Variants in SLC9B1 observed in about 807,000 individuals in gnomAD.
The protein encoded by SLC9B1 is solute carrier family 9 member B1, also known as sodium/hydrogen exchanger 9B1.
Under a neutral mutation model 51.7 loss-of-function variants are expected in SLC9B1, and 32 were observed. The ratio of observed to expected loss-of-function variants is 0.62; its 90% CI spans 0.47 to 0.83. SLC9B1 has a LOEUF of 0.83. SLC9B1 is among the 40% of genes least tolerant of loss of function. The pLI is 0.00. For synonymous variants in SLC9B1, 145 were observed against 212.7 expected (o/e 0.68, Z 2.77); for missense variants, 406 against 613.2 (o/e 0.66, Z 3.57).
intron 3 of SLC9B1, among the ~76,000 whole-genome samples, chr4:102,973,124 A>G (rs1379080712): frequency 1.3e-5 from 2 of 152,180 alleles, no homozygotes; most frequent in Non-Finnish European, 2.9e-5. Flanking sequence ...CAATAACCAC[A>G]ATAAACTTAA....
intron 5 of SLC9B1, among the ~76,000 whole-genome samples, chr4:102,945,785 T>G (rs1205556647): frequency 6.6e-6 from 1 of 152,150 alleles, no homozygotes; most frequent in Non-Finnish European, 1.5e-5. Flanking sequence ...GTTCATACTT[T>G]CTGCTGGAGA....
At chr4:102,974,758 T>C (rs1169819518) in intron 3 of SLC9B1, among the ~76,000 whole-genome samples, 3 of 152,174 alleles carry the variant, frequency 2.0e-5, no homozygotes, top group Non-Finnish European at 2.9e-5. Flanking sequence ...CACATCAAAA[T>C]AATTTCAGAG....
At chr4:102,956,137 C>T (rs186357974) in intron 3 of SLC9B1, among the ~76,000 whole-genome samples, 1 of 152,132 alleles carries the variant, frequency 6.6e-6, no homozygotes, top group African/African-American at 2.4e-5. Flanking sequence ...CGACATTGCA[C>T]ATGTGCTGTC....
chr4:103,008,797 C>CTTTTTTT (rs34403441), intron 1 of SLC9B1, among the ~76,000 whole-genome samples: 7 of 99,490 alleles, frequency 7.0e-5, no homozygotes, highest in Non-Finnish European at 1.0e-4. Context: ...TTAACAGTTT[C>CTTTTTTT]TTTTTTTTTT....
chr4:102,919,846 G>T (rs1240568848), intron 7 of SLC9B1, among the ~76,000 whole-genome samples: 1 of 152,238 alleles, frequency 6.6e-6, no homozygotes, highest in Non-Finnish European at 1.5e-5. Context: ...TGGCAGCCTG[G>T]CTGGGGGAGG....
intron 3 of SLC9B1, among the ~76,000 whole-genome samples, chr4:102,977,349 A>T (rs1436018490): frequency 1.3e-5 from 2 of 151,516 alleles, no homozygotes; most frequent in African/African-American, 2.4e-5. Context: ...AGAGGAGCAG[A>T]GTTTTCTAGT....
intron 7 of SLC9B1, among the ~76,000 whole-genome samples, chr4:102,914,690 T>A (rs1429469328): frequency 6.6e-6 from 1 of 151,712 alleles, no homozygotes; most frequent in Non-Finnish European, 1.5e-5. Context: ...AATTATGGAG[T>A]CAGAGGAGCA....
chr4:103,010,852 G>C (rs1215641014), intron 1 of SLC9B1, among the ~76,000 whole-genome samples: 1 of 152,202 alleles, frequency 6.6e-6, no homozygotes, highest in Non-Finnish European at 1.5e-5. Context: ...TGGGGATTAA[G>C]TTTCAACATG....
intron 1 of SLC9B1, among the ~76,000 whole-genome samples, chr4:103,003,660 C>T (rs1052336794): frequency 6.6e-6 from 1 of 152,066 alleles, no homozygotes; most frequent in African/African-American, 2.4e-5. Context: ...TTGCCACTAC[C>T]CCAGTGAAGC....
At chr4:102,918,748 T>C (rs1188761997) in intron 7 of SLC9B1, among the ~76,000 whole-genome samples, 1 of 152,246 alleles carries the variant, frequency 6.6e-6, no homozygotes. Flanking sequence ...CACCAGTCAC[T>C]GAGTCTGTTG....
intron 1 of SLC9B1, among the ~76,000 whole-genome samples, chr4:103,015,352 A>G (rs1741264206): frequency 6.6e-6 from 1 of 152,090 alleles, no homozygotes; most frequent in African/African-American, 2.4e-5. Flanking sequence ...AGGTGGCACA[A>G]AAGAGTAATG....
intron 1 of SLC9B1, chr4:103,016,795 TC>T (rs1322118688): frequency 6.6e-6 from 1 of 152,238 alleles, no homozygotes; most frequent in African/African-American, 2.4e-5. Flanking sequence ...CAGATTTTCT[TC>T]CTACTTCATT....
chr4:102,893,302 A>AAAAAAAAAG (rs1734362514), intron 11 of SLC9B1, among the ~76,000 whole-genome samples: 3 of 147,938 alleles, frequency 2.0e-5, no homozygotes, highest in African/African-American at 7.7e-5. Context: ...AAAAAAAAAA[A>AAAAAAAAAG]AAAGAAAAAG....
chr4:102,912,138 G>GAA, intron 7 of SLC9B1: 3 of 143,436 alleles, frequency 2.1e-5, no homozygotes, highest in South Asian at 2.0e-4. Flanking sequence ...ACCTCCAAAA[G>GAA]AAAAAAAAAA....
At chr4:102,992,740 T>C (rs1458185261) in intron 1 of SLC9B1, among the ~76,000 whole-genome samples, 5 of 152,226 alleles carry the variant, frequency 3.3e-5, no homozygotes, top group Admixed American at 3.3e-4. Flanking sequence ...TCAAAATAAC[T>C]ATCTTGTCAT....
intron 3 of SLC9B1, among the ~76,000 whole-genome samples, chr4:102,957,849 T>C (rs1737889077): frequency 1.3e-5 from 2 of 152,118 alleles, no homozygotes; most frequent in African/African-American, 4.8e-5. Flanking sequence ...CTGATTATTA[T>C]AGGCAATAAC....
intron 1 of SLC9B1, among the ~76,000 whole-genome samples, chr4:102,994,584 C>CT (rs1740119968): frequency 6.6e-6 from 1 of 152,202 alleles, no homozygotes; most frequent in African/African-American, 2.4e-5. Context: ...CAGCAGCCCA[C>CT]TCTGTGGTGC....
At chr4:102,972,088 C>T (rs910211335) in intron 3 of SLC9B1, among the ~76,000 whole-genome samples, 1 of 151,934 alleles carries the variant, frequency 6.6e-6, no homozygotes, top group African/African-American at 2.4e-5. Context: ...ACCATTCCTT[C>T]TGAAACTATT....
intron 11 of SLC9B1, among the ~76,000 whole-genome samples, chr4:102,904,225 T>C (rs1444980615): frequency 2.0e-5 from 3 of 151,656 alleles, no homozygotes. Context: ...ACCTGACTAA[T>C]TTTTTTGTAT....
Sources: allele counts gnomAD v4.1 joint callset (sites outside exome capture counted in the v4.1 genomes callset), GRCh38; gene constraint gnomAD v4.1.1; transcripts MANE v1.5; gene names NCBI Gene and HGNC (gene_info 2026-07-23, HGNC 2026-07-21).